POLB: variants seen among roughly 807,000 people sequenced by gnomAD.
The protein encoded by POLB is DNA polymerase beta, also known as 5'-dRP lyase.
POLB carries 37 observed loss-of-function variants against 52.7 expected under a neutral mutation model. The observed-to-expected ratio is 0.70, with a 90% CI of 0.54 to 0.92. The LOEUF (loss-of-function observed/expected upper bound fraction) is 0.92, where lower values mean the gene tolerates loss of function less well. POLB is among the 40% of genes least tolerant of loss of function. The pLI is 0.00. For missense variants in POLB, 313 were observed against 400.8 expected, an observed-to-expected ratio of 0.78 and a Z score of 1.87; for synonymous variants, 138 against 131.3, an observed-to-expected ratio of 1.05 and a Z score of -0.35.
At chr8:42,360,547 C>G (rs975122716) in intron 9 of POLB, among the ~76,000 whole-genome samples, 1 of 151,180 alleles carries the variant, frequency 6.6e-6, no homozygotes, top group African/African-American at 2.4e-5. Context: ...AAACTGAGGT[C>G]TAGAGGAATG....
chr8:42,354,528 T>C (rs941320981), intron 6 of POLB: 4 of 1,124,962 alleles, frequency 3.6e-6, no homozygotes, highest in Admixed American at 2.3e-5. Context: ...GCAGGTACAG[T>C]AATAATTTTC....
intron 6 of POLB, 93 bp from the exon 7 acceptor site, chr8:42,355,423 G>A (rs1489297619): frequency 4.2e-6 from 3 of 707,302 alleles, no homozygotes; most frequent in Non-Finnish European, 7.6e-6. Flanking sequence ...TTGTTCCCCA[G>A]GTGGTTCTTT....
chr8:42,339,756 A>C (rs1306764794), intron 2 of POLB: 1 of 146,264 alleles, frequency 6.8e-6, no homozygotes, highest in Non-Finnish European at 1.5e-5. Flanking sequence ...TTTTTTGTAG[A>C]GACCGGGTTT....
At position 42,352,499 on chromosome 8, in the gene POLB, T is replaced by A. The variant is rs1823037075; in HGVS notation, c.321-20T>A. 6.4e-7 allele frequency: 1 copy of A among 1,552,950 alleles called. No homozygotes were observed. The highest frequency in any genetic ancestry group is 1.7e-5 in the Admixed American group (1 of 59,966). On this transcript the variant is annotated intron_variant, in intron 5 of 13. Transcript: ENST00000265421. ...TCCCAAGTTTCACCCAATGTTGAGA[T>A]AATGCTTTTGTTTTTGTAGTCCATC...
Position 42,369,279 on chromosome 8 carries a change from C to A in POLB, c.717C>A (p.Cys239Ter). Residue 239 changes from cysteine (C) to a stop codon, truncating the protein, a stop_gained, in exon 12 of 14, where the codon TGC becomes TGA. Coordinates refer to ENST00000265421, the MANE Select transcript of POLB (RefSeq NM_002690.3). LOFTEE classifies it high-confidence loss of function. ...TAAAATGTTCATTTTAGGGTGTTTG[C>A]CAGCTTCCCAGTAAAAATGATGAAA... ...SKGETKFMGV[C>*]QLPSKNDEKE... is the part of the protein sequence containing the mutation. The A allele has an allele frequency of 6.4e-7, 1 of 1,569,872 alleles. No individual in the cohort carries two copies. The highest frequency in any genetic ancestry group is 8.8e-7 in the Non-Finnish European group (1 of 1,141,540).
In POLB at chr8:42,338,531, G is replaced by C. The variant is rs551474687; in HGVS notation, c.-94G>C. 72 of 1,140,086 alleles carry C rather than the reference G, an allele frequency of 6.3e-5. No individual in the cohort carries two copies. In the South Asian group the frequency reaches 8.1e-4, roughly 13 times the overall value. The allele number at this position is 1,140,086 out of a possible 1,614,324, so 70.6% of individuals were successfully genotyped here. A position where few individuals can be genotyped will look rare whatever the true frequency, so the allele number is the denominator to read the frequency against. ...GTCGCGCCGGAGCTGGGTTGCTCCT[G>C]CTCCCGTCTCCAAGTCCTGGTACCT... On this transcript the variant is annotated 5_prime_UTR_variant, in exon 1 of 14. Coordinates refer to ENST00000265421, the MANE Select transcript of POLB (RefSeq NM_002690.3).
chr8:42,370,820 A>T (rs1406289455), intron 13 of POLB, among the ~76,000 whole-genome samples: 1 of 152,198 alleles, frequency 6.6e-6, no homozygotes, highest in Non-Finnish European at 1.5e-5. Context: ...AAAACATCTC[A>T]TCGTGTTTTA....
chr8:42,352,461 G>T, intron 5 of POLB, 58 bp from the exon 6 acceptor site: 1 of 1,062,518 alleles, frequency 9.4e-7, no homozygotes, highest in South Asian at 1.2e-5. Context: ...TTAAGACATG[G>T]TTGTTACAAG....
intron 7 of POLB, among the ~76,000 whole-genome samples, chr8:42,355,783 C>G (rs1336834933): frequency 2.0e-5 from 3 of 152,128 alleles, no homozygotes; most frequent in African/African-American, 7.2e-5. Context: ...GAGGATTTCC[C>G]TTATTCTTTT....
Position 42,369,889 on chromosome 8 carries a change from T to A in POLB, c.814T>A (p.Phe272Ile). ...TCAGTATTACTGTGGTGTTCTCTAT[T>A]TCACTGGGAGTGATATTTTCAATAA... ...KDQYYCGVLY[F>I]TGSDIFNKNM... Residue 272 changes from phenylalanine to isoleucine, a missense_variant, in exon 13 of 14, where the codon TTC (phenylalanine) becomes ATC (isoleucine). Phe to Ile is a conservative substitution (Grantham distance 21). Coordinates refer to ENST00000265421, the MANE Select transcript of POLB (RefSeq NM_002690.3). 1 of 1,604,900 alleles carries A rather than the reference T, an allele frequency of 6.2e-7. No homozygotes were observed. Among genetic ancestry groups the A allele is most frequent in the Non-Finnish European group, 8.5e-7 (1 of 1,172,664 alleles).
At chr8:42,356,037 C>T (rs1402734925) in intron 7 of POLB, among the ~76,000 whole-genome samples, 2 of 152,128 alleles carry the variant, frequency 1.3e-5, no homozygotes, top group African/African-American at 2.4e-5. Context: ...GGAATAACTA[C>T]TAGGCATGTT....
At chr8:42,369,815 G>T (rs779740131) in intron 12 of POLB, 34 bp from the exon 13 acceptor site, 2 of 1,481,536 alleles carry the variant, frequency 1.3e-6, no homozygotes, top group Non-Finnish European at 1.8e-6. Context: ...GAAATGCATG[G>T]TAAAAAAATG....
At position 42,338,536 on chromosome 8, in the gene POLB, C is replaced by G. The variant is rs1199206593; in HGVS notation, c.-89C>G. The G allele has an allele frequency of 3.4e-5, 40 of 1,189,038 alleles. No individual in the cohort carries two copies. The highest frequency in any genetic ancestry group is 3.9e-4 in the Middle Eastern group (2 of 5,162). The allele number at this position is 1,189,038 out of a possible 1,614,324, so 73.7% of individuals were successfully genotyped here. A position where few individuals can be genotyped will look rare whatever the true frequency, so the allele number is the denominator to read the frequency against. On this transcript the variant is annotated 5_prime_UTR_variant, in exon 1 of 14. Coordinates refer to ENST00000265421, the MANE Select transcript of POLB (RefSeq NM_002690.3). Reference sequence around the variant, plus strand: ...GCCGGAGCTGGGTTGCTCCTGCTCCCGTCTCCAAGTCCTGGTACCTCCTTC... The same window carrying G: ...GCCGGAGCTGGGTTGCTCCTGCTCCGGTCTCCAAGTCCTGGTACCTCCTTC...
intron 7 of POLB, among the ~76,000 whole-genome samples, chr8:42,356,570 C>T (rs1823328351): frequency 6.6e-6 from 1 of 152,120 alleles, no homozygotes; most frequent in African/African-American, 2.4e-5. Flanking sequence ...AGAAAGAACC[C>T]TGTACCTATT....
At chr8:42,358,921 A>G (rs546491120) in intron 9 of POLB, among the ~76,000 whole-genome samples, 1 of 152,192 alleles carries the variant, frequency 6.6e-6, no homozygotes, top group African/African-American at 2.4e-5. Flanking sequence ...GCAAATAAGA[A>G]TCTCCTTAGG....
intron 6 of POLB, among the ~76,000 whole-genome samples, chr8:42,353,153 A>G (rs1268150968): frequency 6.6e-6 from 1 of 151,126 alleles, no homozygotes; most frequent in Non-Finnish European, 1.5e-5. Context: ...AATTTTTCAA[A>G]TATCTAAATT....
chr8:42,342,732 C>T (rs764080267), intron 2 of POLB: 28 of 376,076 alleles, frequency 7.4e-5, no homozygotes, highest in South Asian at 1.4e-4. Context: ...CAGTGGCTCA[C>T]GTCTGTAATC....
chr8:42,350,426 T>C (rs1169213139), intron 5 of POLB, among the ~76,000 whole-genome samples: 1 of 152,176 alleles, frequency 6.6e-6, no homozygotes, highest in Non-Finnish European at 1.5e-5. Context: ...CTCATGAATT[T>C]GGAACAAGCC....
intron 2 of POLB, 149 bp from the exon 3 acceptor site, chr8:42,344,804 A>G: frequency 1.8e-6 from 1 of 562,836 alleles, no homozygotes; most frequent in Non-Finnish European, 3.2e-6. Context: ...ACAGAGGGAG[A>G]CTGTCTCAAA....
Sources: gnomAD v4.1 joint callset for allele counts (sites outside exome capture counted in the v4.1 genomes callset) on GRCh38, gnomAD v4.1.1 for gene constraint, MANE v1.5 for transcripts, NCBI Gene and HGNC (gene_info 2026-07-23, HGNC 2026-07-21) for gene names.